The following CSMD1 variants were observed in gnomAD, a reference collection of about 807,000 sequenced individuals.
The protein encoded by CSMD1 is CUB and sushi domain-containing protein 1.
Under a neutral mutation model 417.5 loss-of-function variants are expected in CSMD1, and 213 were observed. That is an observed-to-expected ratio of 0.51 (90% CI 0.46 to 0.57). The LOEUF (loss-of-function observed/expected upper bound fraction) is 0.57, where lower values mean the gene tolerates loss of function less well. CSMD1 is among the 20% of genes least tolerant of loss of function. CSMD1 has a pLI of 0.00. For missense variants in CSMD1, 6,923 were observed against 4,529.7 expected, an observed-to-expected ratio of 1.53 and a Z score of -15.17; for synonymous variants, 2,862 against 1,736.8, an observed-to-expected ratio of 1.65 and a Z score of -16.11.
chr8:4,645,764 G>C (rs1228980645), intron 1 of CSMD1, among the ~76,000 whole-genome samples: 2 of 152,156 alleles, frequency 1.3e-5, no homozygotes. Flanking sequence ...AAGATGATGA[G>C]TGGGATTTGC....
intron 3 of CSMD1, among the ~76,000 whole-genome samples, chr8:4,141,627 C>A (rs972586175): frequency 6.8e-6 from 1 of 147,400 alleles, no homozygotes; most frequent in Non-Finnish European, 1.5e-5. Context: ...ACTATATTTT[C>A]ACCCTAATTC....
intron 3 of CSMD1, among the ~76,000 whole-genome samples, chr8:4,103,699 T>A (rs972333144): frequency 6.6e-6 from 1 of 152,116 alleles, no homozygotes; most frequent in Non-Finnish European, 1.5e-5. Flanking sequence ...AGTGAATGCT[T>A]AAAACCCATG....
At chr8:4,063,699 C>T (rs1238060887) in intron 3 of CSMD1, among the ~76,000 whole-genome samples, 1 of 152,170 alleles carries the variant, frequency 6.6e-6, no homozygotes, top group Non-Finnish European at 1.5e-5. Context: ...ACCAGGCATG[C>T]TACCTAAGTA....
chr8:3,674,814 G>T (rs935362500), intron 7 of CSMD1, among the ~76,000 whole-genome samples: 2 of 152,204 alleles, frequency 1.3e-5, no homozygotes, highest in East Asian at 3.9e-4. Context: ...TCCAAATGAG[G>T]CTGCACTGAA....
Position 3,361,661 on chromosome 8 carries a change from A to AC in CSMD1, c.3116-2322_3116-2321insG, listed in dbSNP as rs1186926092. ...AGCAAGATTCCATCTCAAAAAAAAA[A>AC]AAAAAAAAAAACAAACAAAAACATT... On this transcript the variant is annotated intron_variant, in intron 20 of 69. Coordinates refer to ENST00000635120, the MANE Select transcript of CSMD1 (RefSeq NM_033225.6). Among the ~76,000 whole-genome samples the AC allele has an allele frequency of 1.3e-4, 19 of 150,326 alleles. No homozygotes were observed. In the East Asian group the frequency reaches 3.1e-3, roughly 25 times the overall value.
At chr8:4,561,591 A>G (rs1798332353) in intron 2 of CSMD1, among the ~76,000 whole-genome samples, 1 of 152,144 alleles carries the variant, frequency 6.6e-6, no homozygotes, top group Admixed American at 6.5e-5. Flanking sequence ...CTGAAGTGGG[A>G]GGATCCCTTG....
In CSMD1 at chr8:4,019,640, A is replaced by T. The variant is rs1234511713; in HGVS notation, c.610+12265T>A. Among the ~76,000 whole-genome samples, 3 of 152,190 alleles carry T rather than the reference A, an allele frequency of 2.0e-5. No individual in the cohort carries two copies. In the East Asian group the frequency reaches 5.8e-4, roughly 29 times the overall value. ...TGATTTCCTTGAAATGCATGAGGTT[A>T]GAAAGGGAGCTGGAACTTAAAGTGG... On this transcript the variant is annotated intron_variant, in intron 4 of 69. Coordinates refer to ENST00000635120, the MANE Select transcript of CSMD1 (RefSeq NM_033225.6).
At chr8:4,370,981 G>A (rs1412522472) in intron 3 of CSMD1, among the ~76,000 whole-genome samples, 1 of 152,196 alleles carries the variant, frequency 6.6e-6, no homozygotes, top group Non-Finnish European at 1.5e-5. Context: ...TGATTGTTTG[G>A]AGGCAAGAAG....
At chr8:2,955,826 C>G in intron 63 of CSMD1, 58 bp from the exon 64 acceptor site, 1 of 1,494,132 alleles carries the variant, frequency 6.7e-7, no homozygotes, top group Non-Finnish European at 9.2e-7. Flanking sequence ...GCACATGTGT[C>G]TAGAGAAATT....
intron 5 of CSMD1, among the ~76,000 whole-genome samples, chr8:3,981,409 G>A (rs1334827911): frequency 6.7e-6 from 1 of 149,452 alleles, no homozygotes; most frequent in Admixed American, 6.8e-5. Flanking sequence ...CTGCTTAGGT[G>A]ATGGGTGCAC....
At chr8:4,126,171 C>A (rs1044023564) in intron 3 of CSMD1, among the ~76,000 whole-genome samples, 1 of 152,138 alleles carries the variant, frequency 6.6e-6, no homozygotes, top group Non-Finnish European at 1.5e-5. Flanking sequence ...CAAGCCCCCA[C>A]CCACCAAATT....
Position 4,833,539 on chromosome 8 carries a change from G to T in CSMD1, c.85+160793C>A, listed in dbSNP as rs547600788. On this transcript the variant is annotated intron_variant, in intron 1 of 69. Coordinates refer to ENST00000635120, the MANE Select transcript of CSMD1 (RefSeq NM_033225.6). ...CAAACCCTATCACCCACTAACAGTT[G>T]CTGTTAAGTAGATAAGTCATTATAA... Among the ~76,000 whole-genome samples the T allele has an allele frequency of 3.3e-5, 5 of 152,294 alleles. No individual in the cohort carries two copies. In the South Asian group the frequency reaches 8.3e-4, roughly 25 times the overall value.
intron 3 of CSMD1, among the ~76,000 whole-genome samples, chr8:4,354,140 A>T (rs1371398028): frequency 2.6e-5 from 4 of 152,328 alleles, no homozygotes; most frequent in African/African-American, 9.6e-5. Flanking sequence ...GTAAATTTTA[A>T]AAATTTAAAT....
At chr8:4,359,084 A>G (rs930155514) in intron 3 of CSMD1, among the ~76,000 whole-genome samples, 6 of 152,284 alleles carry the variant, frequency 3.9e-5, no homozygotes, top group African/African-American at 1.4e-4. Context: ...CCAGTTACAC[A>G]TAGTATATTA....
intron 1 of CSMD1, among the ~76,000 whole-genome samples, chr8:4,829,133 G>T (rs1470185914): frequency 6.6e-6 from 1 of 151,994 alleles, no homozygotes; most frequent in East Asian, 1.9e-4. Context: ...CAGTCCTTTT[G>T]GTTTATGATT....
intron 8 of CSMD1, among the ~76,000 whole-genome samples, chr8:3,587,455 C>T (rs572970391): frequency 1.8e-4 from 27 of 152,260 alleles, no homozygotes; most frequent in African/African-American, 6.3e-4. Context: ...GGAAAAGAAG[C>T]ACAGTTGTCA....
chr8:4,384,384 A>C (rs1253781075), intron 3 of CSMD1, among the ~76,000 whole-genome samples: 2 of 152,282 alleles, frequency 1.3e-5, no homozygotes, highest in East Asian at 1.9e-4. Flanking sequence ...GAAGCTACAA[A>C]ATATTAAATA....
intron 52 of CSMD1, among the ~76,000 whole-genome samples, chr8:3,015,902 G>A (rs1247686399): frequency 6.6e-6 from 1 of 152,126 alleles, no homozygotes; most frequent in Non-Finnish European, 1.5e-5. Flanking sequence ...CAGAACTAAG[G>A]CACAAAGACC....
At chr8:3,956,420 A>G (rs1811950992) in intron 5 of CSMD1, among the ~76,000 whole-genome samples, 1 of 152,178 alleles carries the variant, frequency 6.6e-6, no homozygotes, top group African/African-American at 2.4e-5. Context: ...GGAGGCATGT[A>G]TGTTTAGCCA....
Sources: allele counts gnomAD v4.1 joint callset (sites outside exome capture counted in the v4.1 genomes callset), GRCh38; gene constraint gnomAD v4.1.1; transcripts MANE v1.5; gene names NCBI Gene and HGNC (gene_info 2026-07-23, HGNC 2026-07-21).